TOX: variants seen among roughly 807,000 people sequenced by gnomAD.
TOX encodes the protein thymocyte selection-associated high mobility group box protein TOX.
Under a neutral mutation model 53.7 loss-of-function variants are expected in TOX, and 11 were observed. The observed-to-expected ratio is 0.20, with a 90% CI of 0.13 to 0.34. The LOEUF is 0.34. TOX is among the 10% of genes least tolerant of loss of function. The pLI is 1.00. For missense variants in TOX, 570 were observed against 664.6 expected, an observed-to-expected ratio of 0.86 and a Z score of 1.56; for synonymous variants, 225 against 245.3, an observed-to-expected ratio of 0.92 and a Z score of 0.77.
chr8:58,834,745 C>A (rs1458908972), intron 5 of TOX, among the ~76,000 whole-genome samples: 1 of 152,138 alleles, frequency 6.6e-6, no homozygotes, highest in Admixed American at 6.5e-5. Flanking sequence ...TTGTAAGCAG[C>A]GTCTGATTTC....
At chr8:59,027,472 A>T (rs976076297) in intron 1 of TOX, among the ~76,000 whole-genome samples, 1 of 151,866 alleles carries the variant, frequency 6.6e-6, no homozygotes, top group South Asian at 2.1e-4. Context: ...AAATTTTTCA[A>T]TGAAAGATGA....
At chr8:59,090,399 C>T (rs969140326) in intron 1 of TOX, among the ~76,000 whole-genome samples, 1 of 152,160 alleles carries the variant, frequency 6.6e-6, no homozygotes, top group African/African-American at 2.4e-5. Context: ...TATGACCAAG[C>T]ATCTAATGTC....
chr8:58,866,967 A>G (rs912407699), intron 3 of TOX, among the ~76,000 whole-genome samples: 6 of 152,194 alleles, frequency 3.9e-5, no homozygotes, highest in African/African-American at 1.2e-4. Context: ...AATAGGAAAA[A>G]TCTCATTTAC....
intron 3 of TOX, among the ~76,000 whole-genome samples, chr8:58,869,512 G>A (rs1038686157): frequency 6.6e-5 from 10 of 151,852 alleles, no homozygotes; most frequent in African/African-American, 1.7e-4. Flanking sequence ...AGAAACAGAC[G>A]AAAGACTTCA....
rs187089117 is a variant in TOX at position 58,874,018 on chromosome 8, G to A, written c.412-22213C>T. 3.5e-5 allele frequency among the ~76,000 whole-genome samples: 4 copies of A among 114,714 alleles called. No homozygotes were observed. The East Asian group carries it at 1.0e-3, about 29-fold the overall frequency. The allele number at this position is 114,714 out of a possible 152,430, so 75.3% of individuals were successfully genotyped here. ...CCATGATAGATGAGGGTCTATTGTT[G>A]GCCAAGCATGACAAGGAGCTGGGTC... On this transcript the variant is annotated intron_variant, in intron 3 of 8. Transcript: ENST00000361421.
intron 1 of TOX, among the ~76,000 whole-genome samples, chr8:58,972,770 A>G (rs1225218328): frequency 6.6e-6 from 1 of 152,204 alleles, no homozygotes; most frequent in Non-Finnish European, 1.5e-5. Context: ...AAATTACATT[A>G]TTAATAACTT....
chr8:58,814,286 CTG>C (rs1377072840), intron 7 of TOX: 1 of 152,110 alleles, frequency 6.6e-6, no homozygotes, highest in Non-Finnish European at 1.5e-5. Flanking sequence ...TATAGGAAAT[CTG>C]TGTTTGCCTT....
chr8:58,881,857 A>C (rs1369682907), intron 3 of TOX, among the ~76,000 whole-genome samples: 3 of 152,204 alleles, frequency 2.0e-5, no homozygotes, highest in Non-Finnish European at 4.4e-5. Context: ...GTGATTACAC[A>C]TCATCTCAAA....
intron 1 of TOX, among the ~76,000 whole-genome samples, chr8:59,080,197 G>A (rs1804377939): frequency 6.6e-6 from 1 of 151,964 alleles, no homozygotes; most frequent in African/African-American, 2.4e-5. Context: ...TGGTCAGGCT[G>A]GTCTCAAACT....
At position 59,073,779 on chromosome 8, in the gene TOX, A is replaced by AT. The variant is rs547110055; in HGVS notation, c.102+45106dup. ...ATTAAGTGTTCCATCTAGAAATGAC[A>AT]TATCAGAATAGACTCAATTCACCCC... On this transcript the variant is annotated intron_variant, in intron 1 of 8. Transcript: ENST00000361421. Among the ~76,000 whole-genome samples, 722 of 152,236 alleles carry AT rather than the reference A, an allele frequency of 4.7e-3. 2 individuals are homozygous for AT. Among genetic ancestry groups the AT allele is most frequent in the African/African-American group, 0.016 (667 of 41,550 alleles).
chr8:59,002,681 A>G lies in TOX; in HGVS notation c.103-42673T>C, dbSNP rs1309326232. Among the ~76,000 whole-genome samples, 3 of 152,190 alleles carry G rather than the reference A, an allele frequency of 2.0e-5. No individual in the cohort carries two copies. The South Asian group carries it at 6.2e-4, about 32-fold the overall frequency. On this transcript the variant is annotated intron_variant, in intron 1 of 8. Transcript: ENST00000361421. ...GTAAAAGACCTTCTAACCATTTAGC[A>G]TGTATATGTCACTAGGTAAAAAATA... is the stretch of plus-strand genomic sequence containing the variant.
rs6990763 is a variant in TOX at position 58,863,476 on chromosome 8, G to A, written c.412-11671C>T. On this transcript the variant is annotated intron_variant, in intron 3 of 8. Transcript: ENST00000361421. ...GTCGCCACTGCCATGGTACTCACGA[G>A]GGACCCAAAGGAACAGAGAGGGCAT... Among the ~76,000 whole-genome samples the A allele has an allele frequency of 6.1e-3, 922 of 152,260 alleles. 12 individuals carry two copies. The highest frequency in any genetic ancestry group is 0.021 in the African/African-American group (878 of 41,544).
At chr8:59,022,025 A>G (rs529869475) in intron 1 of TOX, among the ~76,000 whole-genome samples, 1 of 152,178 alleles carries the variant, frequency 6.6e-6, no homozygotes. Flanking sequence ...TGAAGGGATT[A>G]TTACAGAAAC....
intron 3 of TOX, among the ~76,000 whole-genome samples, chr8:58,909,878 G>C (rs1044008896): frequency 3.9e-5 from 6 of 151,986 alleles, no homozygotes; most frequent in African/African-American, 1.5e-4. Context: ...GGCTGGTCTC[G>C]AACTCCTGAC....
chr8:58,808,023 G>T, intron 8 of TOX, 95 bp downstream of exon 8: 1 of 1,490,818 alleles, frequency 6.7e-7, no homozygotes. Context: ...AACTATCCCG[G>T]ATCATGTTTT....
chr8:58,831,550 GA>G, intron 5 of TOX, among the ~76,000 whole-genome samples: 1 of 152,256 alleles, frequency 6.6e-6, no homozygotes, highest in South Asian at 2.1e-4. Context: ...TAATATATTA[GA>G]ACAGGTATAT....
chr8:58,862,514 C>T (rs1811028087), intron 3 of TOX, among the ~76,000 whole-genome samples: 1 of 151,976 alleles, frequency 6.6e-6, no homozygotes, highest in South Asian at 2.1e-4. Flanking sequence ...AAAACAACAG[C>T]CAATAAATTT....
At chr8:58,947,195 G>C (rs1812537174) in intron 2 of TOX, among the ~76,000 whole-genome samples, 1 of 152,010 alleles carries the variant, frequency 6.6e-6, no homozygotes, top group African/African-American at 2.4e-5. Flanking sequence ...AGATTCATGA[G>C]AAAGACTCCA....
At chr8:58,912,559 C>T (rs886388594) in intron 3 of TOX, among the ~76,000 whole-genome samples, 1 of 152,220 alleles carries the variant, frequency 6.6e-6, no homozygotes, top group African/African-American at 2.4e-5. Context: ...ACAGAATCAA[C>T]TGGGGGTCCC....
Sources: gnomAD v4.1 joint callset for allele counts (sites outside exome capture counted in the v4.1 genomes callset) on GRCh38, gnomAD v4.1.1 for gene constraint, MANE v1.5 for transcripts, NCBI Gene and HGNC (gene_info 2026-07-23, HGNC 2026-07-21) for gene names.